The following DNAJC16 variants were observed in gnomAD, a reference collection of about 807,000 sequenced individuals.
DNAJC16 encodes the protein DnaJ heat shock protein family (Hsp40) member C16.
In DNAJC16, 76 loss-of-function variants were observed where a neutral mutation model predicts 92.7. The observed-to-expected ratio is 0.82, with a 90% CI of 0.68 to 0.99. DNAJC16 has a LOEUF of 0.99. DNAJC16 is among the 50% of genes least tolerant of loss of function. DNAJC16 has a pLI of 0.00. For synonymous variants in DNAJC16, 328 were observed against 358.7 expected (o/e 0.91, Z 0.97); for missense variants, 869 against 942.4 (o/e 0.92, Z 1.02).
At chr1:15,544,683 G>A in intron 5 of DNAJC16, 100 bp downstream of exon 5, 1 of 1,198,162 alleles carries the variant, frequency 8.3e-7, no homozygotes, top group South Asian at 1.5e-5. Flanking sequence ...TCAAACCTGA[G>A]TTTCATTGTG....
chr1:15,560,696 A>G (rs1638670381), intron 8 of DNAJC16, among the ~76,000 whole-genome samples: 2 of 152,176 alleles, frequency 1.3e-5, no homozygotes, highest in African/African-American at 4.8e-5. Flanking sequence ...AATGACTTAA[A>G]TATAAAAAAA....
At chr1:15,553,223 G>A (rs984526343) in intron 7 of DNAJC16, among the ~76,000 whole-genome samples, 1 of 150,964 alleles carries the variant, frequency 6.6e-6, no homozygotes, top group Non-Finnish European at 1.5e-5. Flanking sequence ...CCATTCTGTG[G>A]CTTGTCTTTT....
intron 7 of DNAJC16, among the ~76,000 whole-genome samples, chr1:15,556,583 TTAAA>T (rs1376925456): frequency 6.6e-6 from 1 of 152,258 alleles, no homozygotes; most frequent in Non-Finnish European, 1.5e-5. Flanking sequence ...TTCTATTAAC[TTAAA>T]TAATTTATCT....
intron 4 of DNAJC16, chr1:15,542,206 C>G (rs547891741): frequency 6.6e-6 from 1 of 152,436 alleles, no homozygotes; most frequent in Non-Finnish European, 1.5e-5. Flanking sequence ...TACACCACCT[C>G]CCCTCAGCCA....
intron 7 of DNAJC16, among the ~76,000 whole-genome samples, chr1:15,554,971 T>A (rs1638532526): frequency 6.6e-6 from 1 of 152,092 alleles, no homozygotes; most frequent in Admixed American, 6.6e-5. Flanking sequence ...TAATTTTCTC[T>A]GGAAAGAACA....
chr1:15,543,647 A>T (rs1315224413), intron 4 of DNAJC16, among the ~76,000 whole-genome samples: 2 of 152,210 alleles, frequency 1.3e-5, no homozygotes, highest in Non-Finnish European at 2.9e-5. Flanking sequence ...GTCAGGAGAC[A>T]GGGAGAAATA....
At chr1:15,565,526 C>T (rs1385291334) in intron 11 of DNAJC16, 1 of 198,990 alleles carries the variant, frequency 5.0e-6, no homozygotes, top group Non-Finnish European at 1.0e-5. Flanking sequence ...CCCTACTCCA[C>T]CCCTCTGGGC....
chr1:15,537,125 T>A (rs6695141), intron 4 of DNAJC16, among the ~76,000 whole-genome samples: 90,926 of 152,156 alleles, frequency 0.6, 28,044 homozygotes, highest in African/African-American at 0.74. Context: ...TACTGGGATG[T>A]CAGGTGGGAG....
rs553183610 is a variant in DNAJC16 at position 15,570,900 on chromosome 1, A to G, written c.*2723A>G. 3 of 152,324 alleles carry G rather than the reference A, an allele frequency of 2.0e-5. No homozygotes were observed. The South Asian group carries it at 6.2e-4, about 32-fold the overall frequency. 9.4% of individuals were successfully genotyped at this position (152,324 alleles called of 1,614,324 possible). A position where few individuals can be genotyped will look rare whatever the true frequency, so the allele number is the denominator to read the frequency against. ...CTAACACAGTGGTCTTTGACTATCAACATTGATGTTTTTAGAGATGGGTTC... is the reference window on the plus strand; with the variant it reads ...CTAACACAGTGGTCTTTGACTATCAGCATTGATGTTTTTAGAGATGGGTTC... On this transcript the variant is annotated 3_prime_UTR_variant, in exon 15 of 15. Coordinates refer to ENST00000375847, the MANE Select transcript of DNAJC16 (RefSeq NM_015291.4).
intron 7 of DNAJC16, among the ~76,000 whole-genome samples, chr1:15,552,828 T>C (rs1323788524): frequency 6.6e-6 from 1 of 150,602 alleles, no homozygotes; most frequent in Admixed American, 6.7e-5. Context: ...AGTGCAGTGG[T>C]GAGATCTCGA....
chr1:15,558,786 CGGTTTTGTA>C (rs1638626833), intron 7 of DNAJC16, among the ~76,000 whole-genome samples: 1 of 152,166 alleles, frequency 6.6e-6, no homozygotes, highest in African/African-American at 2.4e-5. Context: ...AATGGTCACA[CGGTTTTGTA>C]ACCTGCCTTT....
At chr1:15,562,455 G>T in intron 9 of DNAJC16, 130 bp downstream of exon 9, 3 of 1,002,694 alleles carry the variant, frequency 3.0e-6, no homozygotes, top group Non-Finnish European at 4.1e-6. Flanking sequence ...TATTTTCAAA[G>T]TCTACTCTTT....
rs539104077 is a variant in DNAJC16 at position 15,548,311 on chromosome 1, T to C, written c.906T>C (p.Tyr302=). 3 of 1,614,168 alleles carry C rather than the reference T, an allele frequency of 1.9e-6. No individual in the cohort carries two copies. The highest frequency in any genetic ancestry group is 1.6e-4 in the Middle Eastern group (1 of 6,062). The change falls in exon 7 of 15, where the codon TAT becomes TAC. Residue 302 remains tyrosine, a synonymous_variant. Coordinates refer to ENST00000375847, the MANE Select transcript of DNAJC16 (RefSeq NM_015291.4). The part of the protein sequence containing the change: ...FAYKDYLSFG[Y]VYVGLRGTEE... ...ACAAAGATTATTTATCATTTGGATA[T>C]GTATATGTGGGTTTGAGAGGGACGG...
At chr1:15,555,782 A>G (rs1638556216) in intron 7 of DNAJC16, among the ~76,000 whole-genome samples, 2 of 151,702 alleles carry the variant, frequency 1.3e-5, no homozygotes, top group Non-Finnish European at 2.9e-5. Context: ...GTTTGAGGTC[A>G]GGAGTTCGAG....
intron 4 of DNAJC16, 78 bp from the exon 5 acceptor site, chr1:15,544,321 C>A (rs1383457678): frequency 7.0e-7 from 1 of 1,419,414 alleles, no homozygotes; most frequent in Non-Finnish European, 9.4e-7. Context: ...CAATTTCACA[C>A]CAAAAAATTA....
At chr1:15,529,368 C>G (rs1021797310) in intron 2 of DNAJC16, 96 bp downstream of exon 2, 1 of 1,253,466 alleles carries the variant, frequency 8.0e-7, no homozygotes, top group Non-Finnish European at 1.1e-6. Flanking sequence ...GTCTCTGTTT[C>G]TATGTTCAAT....
Position 15,534,238 on chromosome 1 carries a change from C to A in DNAJC16, c.169C>A (p.His57Asn), listed in dbSNP as rs966768159. Residue 57 changes from histidine (H) to asparagine (N), a missense_variant and splice_region_variant, in exon 3 of 15, where the codon CAT becomes AAT. Transcript: ENST00000375847. The part of the protein sequence containing the change: ...KAYKKLAREW[H>N]PDKNKDPGAE... ...ACCGCCTGCCTGTTTGTGTTTCAGGCATCCTGACAAAAACAAAGATCCTGG... is the reference window on the plus strand; with the variant it reads ...ACCGCCTGCCTGTTTGTGTTTCAGGAATCCTGACAAAAACAAAGATCCTGG... 9.9e-6 allele frequency: 16 copies of A among 1,613,848 alleles called. No homozygotes were observed. The highest frequency in any genetic ancestry group is 1.2e-5 in the Non-Finnish European group (14 of 1,179,906).
chr1:15,567,923 C>G lies in DNAJC16; in HGVS notation c.2095C>G (p.Leu699Val), dbSNP rs1227432258. The change falls in exon 15 of 15, where the codon CTG (leucine) becomes GTG (valine). Residue 699 changes from leucine (L) to valine (V), a missense_variant. By Grantham distance (32) the Leu-to-Val change is conservative. Coordinates refer to ENST00000375847, the MANE Select transcript of DNAJC16 (RefSeq NM_015291.4). ...FMERDYTGYV[L>V]ALNGHKKYFC... ...GGAGCGTGACTACACTGGTTATGTA[C>G]TGGCTCTGAATGGCCACAAGAAATA... 3.7e-6 allele frequency: 6 copies of G among 1,614,112 alleles called. No individual in the cohort carries two copies. Among genetic ancestry groups the G allele is most frequent in the Non-Finnish European group, 8.5e-7 (1 of 1,180,042 alleles).
At chr1:15,562,579 A>G (rs1219688596) in intron 9 of DNAJC16, among the ~76,000 whole-genome samples, 35 of 150,312 alleles carry the variant, frequency 2.3e-4, no homozygotes, top group Non-Finnish European at 7.4e-5. Flanking sequence ...TCGACCTCCC[A>G]GGCTCAAGTG....
Sources: gnomAD v4.1 joint callset for allele counts (sites outside exome capture counted in the v4.1 genomes callset) on GRCh38, gnomAD v4.1.1 for gene constraint, MANE v1.5 for transcripts, NCBI Gene and HGNC (gene_info 2026-07-23, HGNC 2026-07-21) for gene names.